Variants in MGAT5 observed in about 807,000 individuals in gnomAD.
MGAT5 encodes alpha-1,6-mannosylglycoprotein 6-beta-N-acetylglucosaminyltransferase A.
MGAT5 carries 30 observed loss-of-function variants against 94.3 expected under a neutral mutation model. The observed-to-expected ratio is 0.32, with a 90% CI of 0.24 to 0.43. MGAT5 has a LOEUF of 0.43. Ranked by LOEUF, MGAT5 falls within the 20% of genes least tolerant of loss-of-function variation. The pLI is 1.00. For missense variants in MGAT5, 691 were observed against 905.5 expected (o/e 0.76, Z 3.04); for synonymous variants, 310 against 322.9 (o/e 0.96, Z 0.43).
intron 2 of MGAT5, among the ~76,000 whole-genome samples, chr2:134,288,504 A>G (rs1437153370): frequency 6.6e-6 from 1 of 151,568 alleles, no homozygotes; most frequent in Non-Finnish European, 1.5e-5. Flanking sequence ...AATATTTACC[A>G]TCTAGCTCTT....
intron 4 of MGAT5, 64 bp from the exon 5 acceptor site, chr2:134,336,153 C>A: frequency 7.4e-7 from 1 of 1,348,348 alleles, no homozygotes; most frequent in Non-Finnish European, 1.0e-6. Context: ...GTTCTCGGTG[C>A]TTTTTATGTA....
intron 4 of MGAT5, among the ~76,000 whole-genome samples, chr2:134,333,603 A>T (rs1688134797): frequency 6.6e-6 from 1 of 152,062 alleles, no homozygotes; most frequent in Non-Finnish European, 1.5e-5. Context: ...AAATAAAAAA[A>T]AAGAAGGTGG....
chr2:134,302,716 CTGTGTGTGTG>C (rs3034344), intron 2 of MGAT5, among the ~76,000 whole-genome samples: 12,713 of 133,560 alleles, frequency 0.095, 646 homozygotes, highest in Middle Eastern at 0.24. Flanking sequence ...TTAAGAAATG[CTGTGTGTGTG>C]TGTGTGTGTG....
intron 1 of MGAT5, among the ~76,000 whole-genome samples, chr2:134,190,699 C>T (rs991260873): frequency 4.6e-5 from 7 of 151,692 alleles, no homozygotes; most frequent in African/African-American, 1.7e-4. Flanking sequence ...GCTGGAGTGC[C>T]GTGGCATGAT....
intron 2 of MGAT5, among the ~76,000 whole-genome samples, chr2:134,275,686 C>T (rs182980114): frequency 2.0e-5 from 3 of 151,644 alleles, no homozygotes; most frequent in African/African-American, 7.3e-5. Flanking sequence ...CATGTCCCCA[C>T]CCCCTGCCGC....
intron 12 of MGAT5, among the ~76,000 whole-genome samples, chr2:134,414,971 A>G (rs75039055): frequency 0.055 from 8,346 of 152,296 alleles, 281 homozygotes; most frequent in South Asian, 0.13. Flanking sequence ...CTTCTTTTGC[A>G]GGCTAAATAT....
chr2:134,228,949 CT>C (rs1441878846), intron 1 of MGAT5, among the ~76,000 whole-genome samples: 8 of 152,194 alleles, frequency 5.3e-5, no homozygotes, highest in African/African-American at 1.9e-4. Context: ...TTTTCTCAGT[CT>C]GAGGGATAGT....
chr2:134,298,689 C>T (rs557221387), intron 2 of MGAT5, among the ~76,000 whole-genome samples: 1 of 152,152 alleles, frequency 6.6e-6, no homozygotes, highest in South Asian at 2.1e-4. Context: ...GGGTGGTCTC[C>T]TGGAGTCTCT....
intron 1 of MGAT5, among the ~76,000 whole-genome samples, chr2:134,136,196 T>G (rs757087736): frequency 6.6e-6 from 1 of 152,150 alleles, no homozygotes; most frequent in Non-Finnish European, 1.5e-5. Context: ...TTACGGTGGT[T>G]GTTGCACCTG....
At position 134,301,549 on chromosome 2, in the gene MGAT5, A is replaced by G. The variant is rs116501236; in HGVS notation, c.407-15980A>G. 4.6e-3 allele frequency among the ~76,000 whole-genome samples: 702 copies of G among 152,002 alleles called. 8 individuals carry two copies. Among genetic ancestry groups the G allele is most frequent in the African/African-American group, 0.016 (645 of 41,504 alleles). On this transcript the variant is annotated intron_variant, in intron 2 of 15. Transcript: ENST00000281923. The stretch of plus-strand genomic sequence containing the variant: ...TTAAAGAACCTACTTTTTTTTGGTT[A>G]ATTTTTCTCTGTTTAGGATTAAATC...
At chr2:134,197,328 T>C (rs1679544435) in intron 1 of MGAT5, among the ~76,000 whole-genome samples, 1 of 152,216 alleles carries the variant, frequency 6.6e-6, no homozygotes, top group Non-Finnish European at 1.5e-5. Context: ...GCATTAGCAT[T>C]ACGAGGTGAT....
At chr2:134,358,298 A>C (rs1467883201) in intron 9 of MGAT5, among the ~76,000 whole-genome samples, 1 of 152,216 alleles carries the variant, frequency 6.6e-6, no homozygotes, top group Non-Finnish European at 1.5e-5. Context: ...TTAGAAAAAA[A>C]GTCCAGTAAT....
intron 2 of MGAT5, among the ~76,000 whole-genome samples, chr2:134,302,979 G>T (rs1308344457): frequency 6.6e-6 from 1 of 151,964 alleles, no homozygotes; most frequent in Non-Finnish European, 1.5e-5. Context: ...CAACATATTT[G>T]GGAAGTTGTC....
intron 3 of MGAT5, 93 bp downstream of exon 3, chr2:134,317,698 AGT>A: frequency 1.2e-6 from 1 of 808,678 alleles, no homozygotes; most frequent in Non-Finnish European, 1.8e-6. Flanking sequence ...CAAATGGGTG[AGT>A]GAGCCCTTGA....
At position 134,196,136 on chromosome 2, in the gene MGAT5, G is replaced by T. The variant is rs190526503; in HGVS notation, c.-142-58126G>T. On this transcript the variant is annotated intron_variant, in intron 1 of 16. Coordinates refer to the MGAT5 transcript ENST00000409645. ...TCTTCGGAAGTTGAATTTGCTCATT[G>T]CCTCTGTTGTTTCTTAACCATTAGT... 8.5e-5 allele frequency among the ~76,000 whole-genome samples: 13 copies of T among 152,316 alleles called. No individual in the cohort carries two copies. In the East Asian group the frequency reaches 1.7e-3, roughly 20 times the overall value.
At chr2:134,422,209 A>C (rs747207909) in intron 12 of MGAT5, among the ~76,000 whole-genome samples, 3 of 152,174 alleles carry the variant, frequency 2.0e-5, no homozygotes, top group Non-Finnish European at 4.4e-5. Flanking sequence ...CATGGTTTGC[A>C]CTTGGTTTCT....
intron 10 of MGAT5, among the ~76,000 whole-genome samples, chr2:134,362,803 T>C (rs1177510489): frequency 6.6e-6 from 1 of 152,190 alleles, no homozygotes; most frequent in Non-Finnish European, 1.5e-5. Context: ...TCTGTGGAGG[T>C]AGGCAGTTCC....
intron 1 of MGAT5, among the ~76,000 whole-genome samples, chr2:134,160,248 A>T (rs565104930): frequency 6.6e-6 from 1 of 152,226 alleles, no homozygotes; most frequent in East Asian, 1.9e-4. Context: ...ATCTCGGCTC[A>T]CTGCAAGCTC....
At chr2:134,306,659 C>G (rs1415982560) in intron 2 of MGAT5, among the ~76,000 whole-genome samples, 1 of 152,084 alleles carries the variant, frequency 6.6e-6, no homozygotes, top group Non-Finnish European at 1.5e-5. Flanking sequence ...GTGAATGAGG[C>G]TATAAATGAG....
Sources: gnomAD v4.1 joint callset for allele counts (sites outside exome capture counted in the v4.1 genomes callset) on GRCh38, gnomAD v4.1.1 for gene constraint, MANE v1.5 for transcripts, NCBI Gene and HGNC (gene_info 2026-07-23, HGNC 2026-07-21) for gene names.